The following CASD1 variants were observed in gnomAD, a reference collection of about 807,000 sequenced individuals.
CASD1 encodes the protein CAS1 domain sialic acid O acetyltransferase 1, also known as N-acetylneuraminate (7)9-O-acetyltransferase.
A neutral mutation model predicts 100.0 loss-of-function variants in CASD1; 41 were observed. That is an observed-to-expected ratio of 0.41 (90% CI 0.32 to 0.53). CASD1 has a LOEUF of 0.53. Among genes scored for constraint, CASD1 ranks in the 20% least tolerant of loss-of-function variants. The probability of loss-of-function intolerance (pLI) is 0.25; values close to 1 mark genes in which losing one functional copy is unlikely to be tolerated. For synonymous variants in CASD1, 321 were observed against 315.6 expected (o/e 1.02, Z -0.18); for missense variants, 774 against 948.7 (o/e 0.82, Z 2.42).
the CASD1 span, chr7:94,588,176 C>T: frequency 9.2e-7 from 1 of 1,089,530 alleles, no homozygotes; most frequent in Non-Finnish European, 1.1e-6. Flanking sequence ...ATAGAATAAT[C>T]CAAGGAGAAT....
chr7:94,587,966 A>T, the CASD1 span: 2 of 1,423,522 alleles, frequency 1.4e-6, no homozygotes, highest in Non-Finnish European at 1.8e-6. Context: ...CCCAACTTAC[A>T]TTTTTAAAAC....
At chr7:94,539,477 T>C (rs1011723652) in intron 10 of CASD1, among the ~76,000 whole-genome samples, 6 of 152,182 alleles carry the variant, frequency 3.9e-5, no homozygotes, top group Non-Finnish European at 8.8e-5. Flanking sequence ...AAGACCAGCC[T>C]AGCCAACATG....
chr7:94,587,962 T>G, the CASD1 span: 1 of 1,425,074 alleles, frequency 7.0e-7, no homozygotes. Flanking sequence ...CACACCCAAC[T>G]TACATTTTTA....
intron 3 of CASD1, among the ~76,000 whole-genome samples, chr7:94,525,193 T>C (rs1224362985): frequency 1.3e-5 from 2 of 152,162 alleles, no homozygotes; most frequent in Non-Finnish European, 2.9e-5. Flanking sequence ...TAAAAGGTTT[T>C]GGGCGTTCGT....
At chr7:94,633,296 T>C in the CASD1 span, among the ~76,000 whole-genome samples, 1 of 151,874 alleles carries the variant, frequency 6.6e-6, no homozygotes, top group Admixed American at 6.6e-5. Context: ...AAAAATATCA[T>C]CTCCAAATAG....
At chr7:94,538,754 AT>A (rs1018446948) in intron 9 of CASD1, among the ~76,000 whole-genome samples, 1 of 152,102 alleles carries the variant, frequency 6.6e-6, no homozygotes, top group Non-Finnish European at 1.5e-5. Context: ...TTCAGTTTAT[AT>A]TTTTCAGATT....
At chr7:94,527,548 T>C (rs879825172) in intron 4 of CASD1, among the ~76,000 whole-genome samples, 8 of 152,132 alleles carry the variant, frequency 5.3e-5, no homozygotes, top group Non-Finnish European at 1.0e-4. Context: ...GTTCTCTGCA[T>C]GCAAATACAA....
downstream of CASD1, among the ~76,000 whole-genome samples, chr7:94,560,552 A>T (rs1157039247): frequency 6.6e-6 from 1 of 152,204 alleles, no homozygotes. Context: ...GAGTAACGGG[A>T]GAAGTGGGAT....
the CASD1 span, among the ~76,000 whole-genome samples, chr7:94,631,211 A>G: frequency 6.6e-6 from 1 of 152,002 alleles, no homozygotes; most frequent in South Asian, 2.1e-4. Flanking sequence ...CTACTCAAGA[A>G]CAATGTACTT....
the CASD1 span, chr7:94,623,339 A>G: frequency 1.8e-5 from 29 of 1,593,276 alleles, 2 homozygotes; most frequent in South Asian, 3.2e-4. Flanking sequence ...TGCAGACATT[A>G]TATTAATTAT....
chr7:94,587,650 A>G, the CASD1 span: 1 of 1,478,430 alleles, frequency 6.8e-7, no homozygotes. Flanking sequence ...GCACCAACAC[A>G]TCAATATATT....
chr7:94,518,192 G>C lies in CASD1; in HGVS notation c.231-11G>C. ...TACTTATTTTAATTAATTTTTCTTT[G>C]TTGCTTTCAGTGAAGCAAAGAACTG... is the stretch of plus-strand genomic sequence containing the variant. On this transcript the variant is annotated splice_polypyrimidine_tract_variant and intron_variant, in intron 2 of 17. Transcript: ENST00000297273. 6.7e-7 allele frequency: 1 copy of C among 1,482,036 alleles called. No homozygotes were observed. The highest frequency in any genetic ancestry group is 8.9e-7 in the Non-Finnish European group (1 of 1,118,702). The allele number at this position is 1,482,036 out of a possible 1,614,324, so 91.8% of individuals were successfully genotyped here. A position where few individuals can be genotyped will look rare whatever the true frequency, so the allele number is the denominator to read the frequency against.
rs576733535 is a variant in CASD1, at chr7:94,548,044, A to G, written c.1713+869A>G. On this transcript the variant is annotated intron_variant, in intron 13 of 17. Transcript: ENST00000297273. ...CACTCAAGCTTCTTTATAGAAGATA[A>G]ATAAGGAAACAACTAAGAAATGTAT... 3.3e-5 allele frequency among the ~76,000 whole-genome samples: 5 copies of G among 151,974 alleles called. 1 individual carries two copies. The East Asian group carries it at 9.7e-4, about 29-fold the overall frequency.
At chr7:94,548,986 A>G (rs1277215858) in intron 13 of CASD1, among the ~76,000 whole-genome samples, 3 of 151,964 alleles carry the variant, frequency 2.0e-5, no homozygotes, top group African/African-American at 7.2e-5. Context: ...GAATTTGGGT[A>G]TGGTTGATTG....
At chr7:94,551,561 TAATA>T (rs756100130) in intron 15 of CASD1, 83 bp downstream of exon 15, 148 of 568,784 alleles carry the variant, frequency 2.6e-4, no homozygotes, top group Middle Eastern at 5.7e-4. Flanking sequence ...TTATTTTTAA[TAATA>T]AATCTTTTTT....
In CASD1 at chr7:94,510,116, GGGAGATCAACCACTACTTCAGCGTGA is replaced by G; in HGVS notation, c.37_62del (p.Ile13ArgfsTer26). 6.5e-7 allele frequency: 1 copy of G among 1,530,112 alleles called. No homozygotes were observed. Among genetic ancestry groups the G allele is most frequent in the Non-Finnish European group, 8.8e-7 (1 of 1,137,260 alleles). 94.8% of individuals were successfully genotyped at this position (1,530,112 alleles called of 1,614,324 possible). A position where few individuals can be genotyped will look rare whatever the true frequency, so the allele number is the denominator to read the frequency against. ...GCTCTGGCCTACAACCTGGGCAAGC[GGGAGATCAACCACTACTTCAGCGTGA>G]GGAGCGCCAAGGTGCTGGCGCTGGT... On this transcript the variant is annotated frameshift_variant, in exon 1 of 18. Transcript: ENST00000297273. LOFTEE classifies it high-confidence loss of function.
intron 3 of CASD1, among the ~76,000 whole-genome samples, chr7:94,519,034 G>A (rs1794117663): frequency 6.6e-6 from 1 of 151,926 alleles, no homozygotes; most frequent in Non-Finnish European, 1.5e-5. Flanking sequence ...ATACTAATTA[G>A]CAATATATTT....
Position 94,539,049 on chromosome 7 carries a change from C to G in CASD1, c.1349C>G (p.Ala450Gly). ...ATTTTGATTTATCACATTTCTGGAGCAAGTACAGTAAGTATTTGGAATTTA... is the reference window on the plus strand; with the variant it reads ...ATTTTGATTTATCACATTTCTGGAGGAAGTACAGTAAGTATTTGGAATTTA... Reference protein sequence around the residue: ...LVILIYHISGASTFLPVYMHI... With the variant: ...LVILIYHISGGSTFLPVYMHI... Residue 450 changes from alanine to glycine, a missense_variant, in exon 10 of 18, where the codon GCA (alanine) becomes GGA (glycine). Physicochemically the swap from Ala to Gly is moderately conservative, Grantham distance 60 (BLOSUM62 0). Around this residue, in one of 5 missense-constraint regions of CASD1, gnomAD observed 453 missense variants for 532.6 expected, o/e 0.85. Transcript: ENST00000297273. 6.3e-7 allele frequency: 1 copy of G among 1,583,774 alleles called. No individual in the cohort carries two copies. Among genetic ancestry groups the G allele is most frequent in the Non-Finnish European group, 8.7e-7 (1 of 1,153,264 alleles).
intron 3 of CASD1, among the ~76,000 whole-genome samples, chr7:94,523,464 G>A (rs921041264): frequency 1.2e-4 from 18 of 152,208 alleles, no homozygotes; most frequent in African/African-American, 3.1e-4. Context: ...CAATGGTAAC[G>A]GCAACAGCTA....
Sources: allele counts gnomAD v4.1 joint callset (sites outside exome capture counted in the v4.1 genomes callset), GRCh38; gene constraint gnomAD v4.1.1; regional missense constraint gnomAD v4.1.1; transcripts MANE v1.5; gene names NCBI Gene and HGNC (gene_info 2026-07-23, HGNC 2026-07-21).